Variants in CEP128 observed in about 807,000 individuals in gnomAD.
CEP128 encodes the protein centrosomal protein 128.
In CEP128, 132 loss-of-function variants were observed where a neutral mutation model predicts 156.7. The ratio of observed to expected loss-of-function variants is 0.84; its 90% CI spans 0.73 to 0.97. CEP128 has a LOEUF of 0.97. CEP128 is among the 50% of genes least tolerant of loss of function. The probability of loss-of-function intolerance (pLI) is 0.00; values close to 1 mark genes in which losing one functional copy is unlikely to be tolerated. For synonymous variants in CEP128, 469 were observed against 448.9 expected, an observed-to-expected ratio of 1.04 and a Z score of -0.57; for missense variants, 1,252 against 1,281.9, an observed-to-expected ratio of 0.98 and a Z score of 0.36.
intron 8 of CEP128, among the ~76,000 whole-genome samples, chr14:80,865,845 C>G (rs1308768993): frequency 6.6e-6 from 1 of 152,068 alleles, no homozygotes; most frequent in African/African-American, 2.4e-5. Context: ...AATCCAGTAA[C>G]CTACAGGGAA....
intron 19 of CEP128, among the ~76,000 whole-genome samples, chr14:80,589,589 C>T (rs1209332527): frequency 6.6e-6 from 1 of 152,094 alleles, no homozygotes; most frequent in Admixed American, 6.6e-5. Context: ...AAGAGTCATG[C>T]ACACCTGCGT....
intron 2 of CEP128, among the ~76,000 whole-genome samples, chr14:80,923,832 G>C (rs958665278): frequency 6.6e-6 from 1 of 151,924 alleles, no homozygotes; most frequent in African/African-American, 2.4e-5. Context: ...TAATCCCCAT[G>C]CATTTAGTGA....
intron 23 of CEP128, among the ~76,000 whole-genome samples, chr14:80,518,508 C>T (rs953901337): frequency 6.6e-6 from 1 of 152,226 alleles, no homozygotes; most frequent in East Asian, 1.9e-4. Flanking sequence ...TTGTTCAAGT[C>T]TTCTGTGTCT....
chr14:80,579,330 C>CTT (rs879630082), intron 20 of CEP128, among the ~76,000 whole-genome samples: 2 of 144,400 alleles, frequency 1.4e-5, no homozygotes, highest in African/African-American at 2.5e-5. Flanking sequence ...AACCAATGCT[C>CTT]TTTTTTTTTT....
At chr14:80,734,940 T>C (rs1295749185) in intron 19 of CEP128, among the ~76,000 whole-genome samples, 1 of 151,998 alleles carries the variant, frequency 6.6e-6, no homozygotes, top group Non-Finnish European at 1.5e-5. Flanking sequence ...TGAATTTAGT[T>C]TTCAAAATAA....
chr14:80,850,279 C>A (rs1886824780), intron 9 of CEP128, among the ~76,000 whole-genome samples: 1 of 152,048 alleles, frequency 6.6e-6, no homozygotes, highest in African/African-American at 2.4e-5. Flanking sequence ...ATTTGTGAGG[C>A]TAGTGCCAAG....
At chr14:80,758,642 C>T (rs1027089007) in intron 17 of CEP128, among the ~76,000 whole-genome samples, 4 of 151,864 alleles carry the variant, frequency 2.6e-5, no homozygotes, top group Non-Finnish European at 4.4e-5. Context: ...GGCTTCAAGG[C>T]CTATTATGAA....
At chr14:80,840,830 T>C (rs779309048) in intron 9 of CEP128, 62 bp from the exon 10 acceptor site, 20 of 974,010 alleles carry the variant, frequency 2.1e-5, no homozygotes, top group Non-Finnish European at 3.3e-5. Flanking sequence ...AAGTCACTAC[T>C]AGAATTTATT....
At chr14:80,956,036 G>A (rs1039532783) in intron 2 of CEP128, 5 of 704,168 alleles carry the variant, frequency 7.1e-6, no homozygotes, top group African/African-American at 5.3e-5. Flanking sequence ...CACTTGGGAA[G>A]GTATCATTGT....
intron 19 of CEP128, among the ~76,000 whole-genome samples, chr14:80,688,871 C>A (rs1192517493): frequency 6.6e-6 from 1 of 152,084 alleles, no homozygotes; most frequent in African/African-American, 2.4e-5. Context: ...ATTCCCTTAC[C>A]ATCAAGTCTG....
intron 8 of CEP128, among the ~76,000 whole-genome samples, chr14:80,864,533 G>C (rs958047718): frequency 6.6e-6 from 1 of 151,740 alleles, no homozygotes; most frequent in African/African-American, 2.4e-5. Context: ...ATGATACAGA[G>C]TTACTATACT....
At chr14:80,733,551 A>C (rs2139541050) in intron 19 of CEP128, among the ~76,000 whole-genome samples, 2 of 152,300 alleles carry the variant, frequency 1.3e-5, no homozygotes, top group African/African-American at 4.8e-5. Context: ...AAATGGGAGA[A>C]TGTAATCTTT....
intron 19 of CEP128, among the ~76,000 whole-genome samples, chr14:80,715,956 G>A (rs1897587843): frequency 6.6e-6 from 1 of 152,096 alleles, no homozygotes; most frequent in Admixed American, 6.6e-5. Flanking sequence ...AATATCTTCT[G>A]TATCATCATC....
intron 2 of CEP128, among the ~76,000 whole-genome samples, chr14:80,947,117 C>G (rs1204884176): frequency 6.6e-6 from 1 of 152,160 alleles, no homozygotes; most frequent in Non-Finnish European, 1.5e-5. Flanking sequence ...TCAATTAAAC[C>G]TCTTTTCTTC....
intron 21 of CEP128, among the ~76,000 whole-genome samples, chr14:80,558,919 T>C (rs1890553161): frequency 6.6e-6 from 1 of 152,180 alleles, no homozygotes; most frequent in African/African-American, 2.4e-5. Context: ...CTTGAAAGAA[T>C]AAATAGCAAA....
intron 2 of CEP128, among the ~76,000 whole-genome samples, chr14:80,922,567 C>T (rs1884926432): frequency 6.6e-6 from 1 of 152,142 alleles, no homozygotes; most frequent in Non-Finnish European, 1.5e-5. Flanking sequence ...ACTTATGCAT[C>T]AAAATCTACT....
intron 19 of CEP128, among the ~76,000 whole-genome samples, chr14:80,610,869 C>T (rs13379189): frequency 0.028 from 4,286 of 152,030 alleles, 214 homozygotes; most frequent in African/African-American, 0.097. Flanking sequence ...CGAGGAAGTT[C>T]ATTATACATT....
exon 7 of CEP128, chr14:80,490,497 A>C (rs1156388572): frequency 1.3e-5 from 2 of 152,342 alleles, no homozygotes; most frequent in Middle Eastern, 3.4e-3. Flanking sequence ...CAACTTTTAT[A>C]ATCAAATACT....
intron 13 of CEP128, among the ~76,000 whole-genome samples, chr14:80,805,031 A>G (rs1884094648): frequency 6.6e-6 from 1 of 152,032 alleles, no homozygotes; most frequent in African/African-American, 2.4e-5. Flanking sequence ...ACCCAATAGC[A>G]ATCAGCCCCC....
Sources: allele counts gnomAD v4.1 joint callset (sites outside exome capture counted in the v4.1 genomes callset), GRCh38; gene constraint gnomAD v4.1.1; transcripts MANE v1.5; gene names NCBI Gene and HGNC (gene_info 2026-07-23, HGNC 2026-07-21).